Variants in MSI2 observed in about 807,000 individuals in gnomAD.
MSI2 encodes the protein RNA-binding protein Musashi homolog 2.
Under a neutral mutation model 45.6 loss-of-function variants are expected in MSI2, and 17 were observed. That is an observed-to-expected ratio of 0.37 (90% confidence interval 0.26 to 0.56). MSI2 has a LOEUF of 0.56. Among genes scored for constraint, MSI2 ranks in the 20% least tolerant of loss-of-function variants. The probability of loss-of-function intolerance (pLI) is 0.77; values close to 1 mark genes in which losing one functional copy is unlikely to be tolerated. For synonymous variants in MSI2, 156 were observed against 158.2 expected, an observed-to-expected ratio of 0.99 and a Z score of 0.11; for missense variants, 293 against 444.2, an observed-to-expected ratio of 0.66 and a Z score of 3.06.
Position 57,638,127 on chromosome 17 carries a change from C to T in MSI2, c.727+10824C>T, listed in dbSNP as rs73992127. On this transcript the variant is annotated intron_variant, in intron 10 of 13. Coordinates refer to ENST00000284073, the MANE Select transcript of MSI2 (RefSeq NM_138962.4). ...AAAGAGCAGTGCCAGGCCTGAGGTTCGGGTAGCTGGTGCCTTCTGGCAGCC... is the reference window on the plus strand; with the variant it reads ...AAAGAGCAGTGCCAGGCCTGAGGTTTGGGTAGCTGGTGCCTTCTGGCAGCC... Among the ~76,000 whole-genome samples, 1,511 of 152,314 alleles carry T rather than the reference C, an allele frequency of 9.9e-3. 29 individuals carry two copies. The highest frequency in any genetic ancestry group is 0.035 in the African/African-American group (1,436 of 41,562).
At chr17:57,659,166 C>T (rs1486655231) in intron 11 of MSI2, among the ~76,000 whole-genome samples, 5 of 152,064 alleles carry the variant, frequency 3.3e-5, no homozygotes, top group African/African-American at 4.8e-5. Context: ...CTCAAGTGAA[C>T]CTCTTTCCTC....
chr17:57,484,440 C>T (rs2085712287), intron 6 of MSI2, among the ~76,000 whole-genome samples: 1 of 152,200 alleles, frequency 6.6e-6, no homozygotes, highest in Non-Finnish European at 1.5e-5. Context: ...GTACTGTCAG[C>T]CTCAACAGCT....
chr17:57,584,769 CAA>C (rs1472292123), intron 7 of MSI2, among the ~76,000 whole-genome samples: 35 of 150,456 alleles, frequency 2.3e-4, no homozygotes, highest in Admixed American at 2.3e-3. Context: ...GTGCGACACT[CAA>C]AGATTAATGG....
At chr17:57,494,396 G>T (rs1165303842) in intron 6 of MSI2, among the ~76,000 whole-genome samples, 1 of 152,140 alleles carries the variant, frequency 6.6e-6, no homozygotes, top group African/African-American at 2.4e-5. Flanking sequence ...TTCTTTTTTG[G>T]TGCCAGGAGA....
At chr17:57,488,248 G>A (rs2085794593) in intron 6 of MSI2, among the ~76,000 whole-genome samples, 1 of 152,170 alleles carries the variant, frequency 6.6e-6, no homozygotes, top group African/African-American at 2.4e-5. Context: ...CTCGTCCCAG[G>A]AGGAAATGAT....
At chr17:57,542,420 G>C (rs1217586898) in intron 7 of MSI2, among the ~76,000 whole-genome samples, 2 of 152,172 alleles carry the variant, frequency 1.3e-5, no homozygotes, top group African/African-American at 4.8e-5. Flanking sequence ...GTCTGGCTGA[G>C]ATAATTTATC....
chr17:57,575,154 C>G (rs370583298), intron 7 of MSI2, among the ~76,000 whole-genome samples: 2 of 135,822 alleles, frequency 1.5e-5, no homozygotes, highest in African/African-American at 3.1e-5. Flanking sequence ...AACTCCCTCC[C>G]CCCGCCACCC....
At chr17:57,317,792 G>T (rs1912978867) in intron 5 of MSI2, among the ~76,000 whole-genome samples, 1 of 152,148 alleles carries the variant, frequency 6.6e-6, no homozygotes, top group Admixed American at 6.5e-5. Context: ...ATGTGTATTT[G>T]GGGTAGTGGT....
chr17:57,547,647 G>A (rs1446170296), intron 7 of MSI2, among the ~76,000 whole-genome samples: 1 of 151,742 alleles, frequency 6.6e-6, no homozygotes, highest in African/African-American at 2.4e-5. Flanking sequence ...TGCTTTGGTG[G>A]AAGGAACACA....
intron 8 of MSI2, among the ~76,000 whole-genome samples, chr17:57,599,621 T>C (rs61479346): frequency 0.1 from 15,555 of 152,222 alleles, 966 homozygotes; most frequent in African/African-American, 0.16. Context: ...CTAGTACTTG[T>C]TCTTCAAGAG....
intron 6 of MSI2, among the ~76,000 whole-genome samples, chr17:57,440,899 T>C (rs1413483272): frequency 1.3e-5 from 2 of 152,078 alleles, no homozygotes; most frequent in East Asian, 3.9e-4. Flanking sequence ...TTTTTACTCC[T>C]GAGGAAACTA....
At chr17:57,570,937 A>G (rs2087859919) in intron 7 of MSI2, among the ~76,000 whole-genome samples, 1 of 152,160 alleles carries the variant, frequency 6.6e-6, no homozygotes, top group South Asian at 2.1e-4. Context: ...CATGGGAAGA[A>G]GGCAGTCAGG....
intron 7 of MSI2, among the ~76,000 whole-genome samples, chr17:57,567,569 G>A (rs1039928597): frequency 6.6e-6 from 1 of 152,226 alleles, no homozygotes; most frequent in Non-Finnish European, 1.5e-5. Flanking sequence ...AAGTGCAGCT[G>A]CCTTAACCGG....
chr17:57,642,390 A>G (rs938196894), intron 10 of MSI2, among the ~76,000 whole-genome samples: 13 of 152,084 alleles, frequency 8.5e-5, no homozygotes, highest in African/African-American at 1.2e-4. Flanking sequence ...TGCTCTCTCT[A>G]TCTTCAAGTG....
chr17:57,603,904 T>G (rs1906209600), intron 8 of MSI2, among the ~76,000 whole-genome samples: 1 of 152,252 alleles, frequency 6.6e-6, no homozygotes, highest in Non-Finnish European at 1.5e-5. Flanking sequence ...GTCAGCCAGT[T>G]TCACTATTGA....
At chr17:57,380,894 G>A (rs1050070787) in intron 5 of MSI2, among the ~76,000 whole-genome samples, 2 of 151,984 alleles carry the variant, frequency 1.3e-5, no homozygotes, top group Non-Finnish European at 2.9e-5. Flanking sequence ...TTTCTCTCTG[G>A]TGGTCTGTCT....
Position 57,681,577 on chromosome 17 carries a change from A to C in MSI2, c.*2060A>C, listed in dbSNP as rs1913598007. The C allele has an allele frequency of 5.5e-6, 1 of 183,382 alleles. No homozygotes were observed. Among genetic ancestry groups the C allele is most frequent in the South Asian group, 2.0e-4 (1 of 5,094 alleles). The allele number at this position is 183,382 out of a possible 1,614,324, so 11.4% of individuals were successfully genotyped here. On this transcript the variant is annotated 3_prime_UTR_variant, in exon 14 of 14. Transcript: ENST00000284073. ...TAAAGACTCCAAAATGCTAACTCAG[A>C]AAGAAAGAAAAAACCCGTTTTCAAT...
chr17:57,326,386 A>G (rs1913793641), intron 5 of MSI2, among the ~76,000 whole-genome samples: 1 of 152,118 alleles, frequency 6.6e-6, no homozygotes, highest in South Asian at 2.1e-4. Context: ...TATGTGATAC[A>G]TGACTTATTA....
At chr17:57,685,565 C>A (rs906117147), downstream of MSI2, 1 of 152,182 alleles carries the variant, frequency 6.6e-6, no homozygotes, top group Non-Finnish European at 1.5e-5. Context: ...ACCAGCTAGA[C>A]AGGTTCTTTC....
Sources: allele counts gnomAD v4.1 joint callset (sites outside exome capture counted in the v4.1 genomes callset), GRCh38; gene constraint gnomAD v4.1.1; transcripts MANE v1.5; gene names NCBI Gene and HGNC (gene_info 2026-07-23, HGNC 2026-07-21).